Variants in ASTN2 observed in about 807,000 individuals in gnomAD.
ASTN2 encodes astrotactin 2.
A neutral mutation model predicts 139.8 loss-of-function variants in ASTN2; 54 were observed. The ratio of observed to expected loss-of-function variants is 0.39; its 90% CI spans 0.31 to 0.48. The LOEUF is 0.48. ASTN2 is among the 20% of genes least tolerant of loss of function. The pLI is 0.95. For synonymous variants in ASTN2, 756 were observed against 719.5 expected (o/e 1.05, Z -0.81); for missense variants, 1,565 against 1,725.1 (o/e 0.91, Z 1.64).
At chr9:116,606,291 A>C (rs1401224662) in intron 19 of ASTN2, among the ~76,000 whole-genome samples, 2 of 152,198 alleles carry the variant, frequency 1.3e-5, no homozygotes, top group African/African-American at 2.4e-5. Context: ...GGAGACAAAG[A>C]GGGCGCCAAA....
rs867898976 is a variant in ASTN2 at position 117,270,591 on chromosome 9, C to T, written c.630+20735G>A. Among the ~76,000 whole-genome samples, 17 of 152,304 alleles carry T rather than the reference C, an allele frequency of 1.1e-4. 1 individual carries two copies. In the Middle Eastern group the frequency reaches 0.017, roughly 152 times the overall value. On this transcript the variant is annotated intron_variant, in intron 2 of 22. Transcript: ENST00000313400. Reference sequence around the variant, plus strand: ...CTTTCAATTATCCCCAAGGGATACCCCTGTACCTGGCATAAGGATGTTTGG... The same window carrying T: ...CTTTCAATTATCCCCAAGGGATACCTCTGTACCTGGCATAAGGATGTTTGG...
chr9:117,037,958 T>C (rs1421744389), intron 6 of ASTN2, among the ~76,000 whole-genome samples: 1 of 152,212 alleles, frequency 6.6e-6, no homozygotes, highest in Non-Finnish European at 1.5e-5. Flanking sequence ...TGTGCACATA[T>C]GACTCACTAA....
rs987882732 is a variant in ASTN2 at position 116,699,063 on chromosome 9, C to G, written c.2806+26708G>C. The stretch of plus-strand genomic sequence containing the variant: ...CTCAGTGGCAATGAACTGCCAGGGG[C>G]TGATTGGTGTGACTGACAGCTATGA... On this transcript the variant is annotated intron_variant, in intron 16 of 22. Coordinates refer to ENST00000313400, the MANE Select transcript of ASTN2 (RefSeq NM_001365068.1). This position sits in a 1 kb window ranked among gnomAD's most constrained non-coding sequence, Gnocchi z 4.2. 1.2e-6 allele frequency: 2 copies of G among 1,614,038 alleles called. No individual in the cohort carries two copies. The highest frequency in any genetic ancestry group is 2.7e-5 in the African/African-American group (2 of 74,940).
intron 13 of ASTN2, among the ~76,000 whole-genome samples, chr9:116,790,955 A>AAAGAAAGAAAG (rs59916639): frequency 1.0e-5 from 1 of 99,700 alleles, no homozygotes. Flanking sequence ...AGAAAGAAAG[A>AAAGAAAGAAAG]AAAGAAAGAA....
In ASTN2 at chr9:117,141,398, C is replaced by T. The variant is rs868310841; in HGVS notation, c.1096G>A (p.Glu366Lys). 1 of 1,367,562 alleles carries T rather than the reference C, an allele frequency of 7.3e-7. No individual in the cohort carries two copies. Among genetic ancestry groups the T allele is most frequent in the Non-Finnish European group, 9.8e-7 (1 of 1,021,846 alleles). The allele number at this position is 1,367,562 out of a possible 1,614,324, so 84.7% of individuals were successfully genotyped here. A position where few individuals can be genotyped will look rare whatever the true frequency, so the allele number is the denominator to read the frequency against. ...KESFRANTPI[E>K]IGQLQPPLRS... ...AGGGGTGGTTGCAGCTGACCGATCT[C>T]GATGGGCGTGTTAGCGCGGAAACTC... Residue 366 changes from glutamate (E) to lysine (K), a missense_variant, in exon 4 of 23, where the codon GAG becomes AAG. Physicochemically the swap from Glu to Lys is moderately conservative, Grantham distance 56. This residue lies in a region of ASTN2 where 596 missense variants were observed against 576.8 expected (regional missense o/e 1.03). Coordinates refer to ENST00000313400, the MANE Select transcript of ASTN2 (RefSeq NM_001365068.1).
chr9:116,518,087 G>C (rs905506867), intron 19 of ASTN2, among the ~76,000 whole-genome samples: 1 of 152,128 alleles, frequency 6.6e-6, no homozygotes, highest in African/African-American at 2.4e-5. Context: ...ACATATTTGA[G>C]GGAATAATCA....
intron 3 of ASTN2, among the ~76,000 whole-genome samples, chr9:117,142,213 T>TTGATACCTTTTGGTG (rs1436595879): frequency 6.6e-6 from 1 of 152,318 alleles, no homozygotes; most frequent in African/African-American, 2.4e-5. Context: ...TGGCAAAAGG[T>TTGATACCTTTTGGTG]ATCACCAAAA....
At chr9:116,909,452 G>T (rs528469369) in intron 10 of ASTN2, among the ~76,000 whole-genome samples, 7 of 152,356 alleles carry the variant, frequency 4.6e-5, no homozygotes, top group Admixed American at 3.9e-4. Context: ...ATGCATGTTG[G>T]TTCAATTTCC....
At chr9:116,665,421 G>C (rs1858803113) in intron 16 of ASTN2, among the ~76,000 whole-genome samples, 1 of 152,112 alleles carries the variant, frequency 6.6e-6, no homozygotes, top group Non-Finnish European at 1.5e-5. Context: ...ATTTCAGTTG[G>C]AAATCATAAA....
rs541818993 is a variant in ASTN2, at chr9:117,219,832, G to A, written c.631-5090C>T. Among the ~76,000 whole-genome samples the A allele has an allele frequency of 3.3e-5, 5 of 152,238 alleles. No individual in the cohort carries two copies. In the South Asian group the frequency reaches 1.0e-3, roughly 32 times the overall value. On this transcript the variant is annotated intron_variant, in intron 2 of 22. Coordinates refer to ENST00000313400, the MANE Select transcript of ASTN2 (RefSeq NM_001365068.1). ...TGCTTCTCTTGTTCTATTACTGACAGTGAGTCTCAGATTCCCCATGGGAAC... is the reference window on the plus strand; with the variant it reads ...TGCTTCTCTTGTTCTATTACTGACAATGAGTCTCAGATTCCCCATGGGAAC...
At chr9:116,443,667 AATGACTTTCTAG>A (rs773034870) in intron 20 of ASTN2, among the ~76,000 whole-genome samples, 10 of 152,160 alleles carry the variant, frequency 6.6e-5, no homozygotes, top group Non-Finnish European at 1.2e-4. Context: ...AGGGAGCAGA[AATGACTTTCTAG>A]ATGATGTGAG....
At chr9:116,747,619 T>A (rs1204113482) in intron 13 of ASTN2, among the ~76,000 whole-genome samples, 2 of 151,990 alleles carry the variant, frequency 1.3e-5, no homozygotes, top group Non-Finnish European at 1.5e-5. Flanking sequence ...CTACCACCTA[T>A]CTCTCCAACC....
chr9:117,048,381 C>T (rs1838805962), intron 5 of ASTN2, among the ~76,000 whole-genome samples: 1 of 152,210 alleles, frequency 6.6e-6, no homozygotes, highest in African/African-American at 2.4e-5. Flanking sequence ...TACTATGGGC[C>T]TGAAGCAGCT....
intron 1 of ASTN2, among the ~76,000 whole-genome samples, chr9:117,339,606 C>A (rs1317831043): frequency 6.6e-6 from 1 of 152,116 alleles, no homozygotes; most frequent in Admixed American, 6.5e-5. Flanking sequence ...AAGCAAGAAC[C>A]CAACAGCTTC....
chr9:116,423,708 G>C lies in ASTN2; in HGVS notation c.*2143C>G, dbSNP rs3747830. Among the ~76,000 whole-genome samples the C allele has an allele frequency of 0.17, 25,231 of 152,100 alleles. 2,472 individuals are homozygous for C. Among genetic ancestry groups the C allele is most frequent in the Middle Eastern group, 0.25 (74 of 294 alleles). On this transcript the variant is annotated 3_prime_UTR_variant, in exon 23 of 23. Transcript: ENST00000313400. ...GAGTGCCTTAGAGCTTAGATTGTGA[G>C]AGGTTGAGAAGCTTCCCAGGCACCA...
chr9:116,838,071 G>A (rs1381412909), intron 11 of ASTN2, among the ~76,000 whole-genome samples: 26 of 151,226 alleles, frequency 1.7e-4, no homozygotes, highest in African/African-American at 6.3e-4. Flanking sequence ...TGGCTCTCCA[G>A]ATTGCTGGAT....
chr9:117,180,768 A>T, intron 3 of ASTN2: 1 of 1,564,506 alleles, frequency 6.4e-7, no homozygotes, highest in South Asian at 1.1e-5. Flanking sequence ...CCCCACAGCC[A>T]TCAGGGATGA....
intron 4 of ASTN2, among the ~76,000 whole-genome samples, chr9:117,132,776 A>G (rs1458564005): frequency 6.6e-6 from 1 of 152,226 alleles, no homozygotes; most frequent in East Asian, 1.9e-4. Flanking sequence ...ACAGACAGAA[A>G]GCCAGAGACT....
chr9:117,094,768 A>G (rs1325568550), intron 5 of ASTN2, among the ~76,000 whole-genome samples: 2 of 152,186 alleles, frequency 1.3e-5, no homozygotes, highest in Non-Finnish European at 2.9e-5. Context: ...ACTGACATTA[A>G]TAATGTCTGA....
Sources: gnomAD v4.1 joint callset for allele counts (sites outside exome capture counted in the v4.1 genomes callset) on GRCh38, gnomAD v4.1.1 for gene constraint, gnomAD v4.1.1 regional missense constraint, Gnocchi (gnomAD v3.1) non-coding constraint, MANE v1.5 for transcripts, NCBI Gene and HGNC (gene_info 2026-07-23, HGNC 2026-07-21) for gene names.